The following ITSN1 variants were observed in gnomAD, a reference collection of about 807,000 sequenced individuals.
The protein encoded by ITSN1 is intersectin 1, also known as intersectin-1.
Under a neutral mutation model 239.8 loss-of-function variants are expected in ITSN1, and 58 were observed. The ratio of observed to expected loss-of-function variants is 0.24; its 90% CI spans 0.20 to 0.30. The LOEUF (loss-of-function observed/expected upper bound fraction) is 0.30, where lower values mean the gene tolerates loss of function less well. Ranked by LOEUF, ITSN1 falls within the 10% of genes least tolerant of loss-of-function variation. The pLI is 1.00. For synonymous variants in ITSN1, 780 were observed against 770.8 expected (o/e 1.01, Z -0.20); for missense variants, 1,558 against 2,103.3 (o/e 0.74, Z 5.07).
At chr21:33,849,919 G>A (rs2075105858) in intron 29 of ITSN1, among the ~76,000 whole-genome samples, 1 of 152,112 alleles carries the variant, frequency 6.6e-6, no homozygotes. Flanking sequence ...CTTATTAACA[G>A]GAGCTACTCA....
intron 11 of ITSN1, among the ~76,000 whole-genome samples, chr21:33,769,990 G>A (rs535528276): frequency 1.2e-4 from 19 of 152,042 alleles, no homozygotes; most frequent in African/African-American, 4.1e-4. Flanking sequence ...GAGCCACTGC[G>A]CTCGGCAGTC....
In ITSN1 at chr21:33,750,130, T is replaced by G; in HGVS notation, c.347-13T>G. 1 of 1,613,234 alleles carries G rather than the reference T, an allele frequency of 6.2e-7. No individual in the cohort carries two copies. Among genetic ancestry groups the G allele is most frequent in the Non-Finnish European group, 8.5e-7 (1 of 1,179,520 alleles). ...TTGGATGTGAATGGTGTTGAGCTGT[T>G]TTTTCTTCATAGGTATGGGAGGTAT... On this transcript the variant is annotated splice_polypyrimidine_tract_variant and intron_variant, in intron 5 of 39. Coordinates refer to ENST00000381318, the MANE Select transcript of ITSN1 (RefSeq NM_003024.3).
chr21:33,859,275 G>C (rs766845583), intron 31 of ITSN1, among the ~76,000 whole-genome samples: 1 of 152,282 alleles, frequency 6.6e-6, no homozygotes, highest in East Asian at 1.9e-4. Context: ...TAGGCTGGTC[G>C]TATTTTCTTC....
At chr21:33,787,837 A>T (rs567079251) in intron 16 of ITSN1, among the ~76,000 whole-genome samples, 1 of 152,330 alleles carries the variant, frequency 6.6e-6, no homozygotes, top group Admixed American at 6.5e-5. Flanking sequence ...TGGTTCTTTC[A>T]TTCTGTTCAA....
intron 24 of ITSN1, among the ~76,000 whole-genome samples, chr21:33,819,923 A>G (rs886553426): frequency 1.3e-5 from 2 of 152,258 alleles, no homozygotes; most frequent in South Asian, 2.1e-4. Flanking sequence ...CGGAGCTTGC[A>G]GTGAGCCGAG....
At chr21:33,798,921 A>T (rs1330515550) in intron 18 of ITSN1, among the ~76,000 whole-genome samples, 1 of 152,106 alleles carries the variant, frequency 6.6e-6, no homozygotes, top group African/African-American at 2.4e-5. Context: ...CATTGATCTT[A>T]GGAAGTTAGT....
intron 8 of ITSN1, among the ~76,000 whole-genome samples, chr21:33,761,303 GCCAT>G (rs1402401123): frequency 6.6e-6 from 1 of 152,114 alleles, no homozygotes; most frequent in Non-Finnish European, 1.5e-5. Flanking sequence ...CTGAGCTCGA[GCCAT>G]CTGCCTGCCT....
chr21:33,761,432 T>G (rs1436070739), intron 8 of ITSN1, among the ~76,000 whole-genome samples: 1 of 152,108 alleles, frequency 6.6e-6, no homozygotes, highest in African/African-American at 2.4e-5. Flanking sequence ...TTTTTAAGTC[T>G]GTTTAGTGAA....
rs371072153 is a variant in ITSN1, at chr21:33,701,630, TA to T, written c.-32-17152del. Among the ~76,000 whole-genome samples, 1,280 of 140,566 alleles carry T rather than the reference TA, an allele frequency of 9.1e-3. 6 individuals carry two copies. The highest frequency in any genetic ancestry group is 0.017 in the African/African-American group (666 of 38,412). 92.2% of individuals were successfully genotyped at this position (140,566 alleles called of 152,430 possible). ...CAACATGGTGAAACCCTGTGTCTGT[TA>T]AAAAAAAAAAAAAATTAGCCAAGTG... On this transcript the variant is annotated intron_variant, in intron 1 of 39. Coordinates refer to ENST00000381318, the MANE Select transcript of ITSN1 (RefSeq NM_003024.3).
chr21:33,868,160 T>C (rs1981998486), intron 33 of ITSN1, among the ~76,000 whole-genome samples: 1 of 152,152 alleles, frequency 6.6e-6, no homozygotes, highest in East Asian at 1.9e-4. Flanking sequence ...CAGTGGCCTG[T>C]TTTGACAGGG....
intron 39 of ITSN1, among the ~76,000 whole-genome samples, chr21:33,886,821 A>G (rs1176728230): frequency 6.6e-6 from 1 of 152,228 alleles, no homozygotes; most frequent in African/African-American, 2.4e-5. Context: ...CCAATGGAAC[A>G]AGGATGTTAG....
At chr21:33,813,461 T>A (rs965464369) in intron 21 of ITSN1, among the ~76,000 whole-genome samples, 2 of 152,100 alleles carry the variant, frequency 1.3e-5, no homozygotes, top group African/African-American at 4.8e-5. Context: ...GAAGCATTTC[T>A]CCTTCCTCAG....
At chr21:33,877,814 TTGTTTCTATTTTGTGTGTGTG>T (rs1303061443) in intron 34 of ITSN1, among the ~76,000 whole-genome samples, 2 of 148,834 alleles carry the variant, frequency 1.3e-5, no homozygotes, top group Non-Finnish European at 3.0e-5. Flanking sequence ...ATTTCTTACT[TTGTTTCTATTTTGTGTGTGTG>T]TGTGTGTGTG....
At position 33,715,195 on chromosome 21, in the gene ITSN1, A is replaced by G. The variant is rs539160819; in HGVS notation, c.-32-3602A>G. On this transcript the variant is annotated intron_variant, in intron 1 of 39. Coordinates refer to ENST00000381318, the MANE Select transcript of ITSN1 (RefSeq NM_003024.3). Reference sequence around the variant, plus strand: ...ATTATTGCTATCACAACTATTTTGTATAGCTTAGTATTATTGCTTTGGGCT... The same window carrying G: ...ATTATTGCTATCACAACTATTTTGTGTAGCTTAGTATTATTGCTTTGGGCT... 6.6e-5 allele frequency among the ~76,000 whole-genome samples: 10 copies of G among 152,322 alleles called. No homozygotes were observed. In the East Asian group the frequency reaches 1.5e-3, roughly 23 times the overall value.
At chr21:33,698,335 T>C (rs1478352062) in intron 1 of ITSN1, among the ~76,000 whole-genome samples, 2 of 152,080 alleles carry the variant, frequency 1.3e-5, no homozygotes, top group Non-Finnish European at 2.9e-5. Flanking sequence ...TCACCTCCCA[T>C]CCCCTGCTGC....
chr21:33,848,964 A>T (rs117112832), intron 29 of ITSN1, among the ~76,000 whole-genome samples: 5,116 of 152,288 alleles, frequency 0.034, 136 homozygotes, highest in Middle Eastern at 0.058. Flanking sequence ...TATTTGGCCG[A>T]GTGTGGTGGC....
intron 33 of ITSN1, among the ~76,000 whole-genome samples, chr21:33,867,719 C>T (rs1466373315): frequency 6.6e-6 from 1 of 151,762 alleles, no homozygotes; most frequent in South Asian, 2.1e-4. Flanking sequence ...AGAATGAAGC[C>T]GCAGACCCTC....
chr21:33,646,725 T>G (rs967507471), intron 1 of ITSN1, among the ~76,000 whole-genome samples: 6 of 152,174 alleles, frequency 3.9e-5, no homozygotes, highest in African/African-American at 1.4e-4. Context: ...GTAGTTACAG[T>G]GATGATAAAG....
intron 1 of ITSN1, among the ~76,000 whole-genome samples, chr21:33,686,161 C>T (rs1430343200): frequency 6.6e-6 from 1 of 152,098 alleles, no homozygotes; most frequent in Non-Finnish European, 1.5e-5. Flanking sequence ...TACTTTTCTT[C>T]AGTAGCTAAA....
Sources: gnomAD v4.1 joint callset for allele counts (sites outside exome capture counted in the v4.1 genomes callset) on GRCh38, gnomAD v4.1.1 for gene constraint, MANE v1.5 for transcripts, NCBI Gene and HGNC (gene_info 2026-07-23, HGNC 2026-07-21) for gene names.